TULP4: variants seen among roughly 807,000 people sequenced by gnomAD.
TULP4 encodes the protein tubby-related protein 4.
Under a neutral mutation model 129.0 loss-of-function variants are expected in TULP4, and 16 were observed. The observed-to-expected ratio is 0.12, with a 90% CI of 0.08 to 0.19. TULP4 has a LOEUF of 0.19. TULP4 is among the 10% of genes least tolerant of loss of function. The pLI is 1.00. For synonymous variants in TULP4, 998 were observed against 854.0 expected (o/e 1.17, Z -2.94); for missense variants, 1,842 against 2,059.1 (o/e 0.89, Z 2.04).
intron 1 of TULP4, among the ~76,000 whole-genome samples, chr6:158,290,433 A>C (rs916521272): frequency 1.3e-5 from 2 of 152,090 alleles, no homozygotes; most frequent in Admixed American, 6.5e-5. Context: ...TGGATGAATA[A>C]TTTTGCAAAT....
chr6:158,367,770 G>A (rs1776956620), intron 1 of TULP4, among the ~76,000 whole-genome samples: 2 of 152,048 alleles, frequency 1.3e-5, no homozygotes, highest in African/African-American at 4.8e-5. Context: ...GGCCGGTGCG[G>A]TGGCTCACAC....
At chr6:158,463,668 A>AT (rs35512926) in intron 6 of TULP4, among the ~76,000 whole-genome samples, 52 of 145,784 alleles carry the variant, frequency 3.6e-4, no homozygotes, top group African/African-American at 8.8e-4. Flanking sequence ...ATATATATAT[A>AT]AAAAGAAAAA....
chr6:158,433,242 A>G (rs1778670644), intron 3 of TULP4, among the ~76,000 whole-genome samples: 1 of 152,084 alleles, frequency 6.6e-6, no homozygotes, highest in African/African-American at 2.4e-5. Context: ...TTATAGTATC[A>G]TTTTCCTTCC....
intron 1 of TULP4, among the ~76,000 whole-genome samples, chr6:158,374,414 T>G (rs931617811): frequency 6.6e-6 from 1 of 152,086 alleles, no homozygotes; most frequent in African/African-American, 2.4e-5. Flanking sequence ...GGGAAGAAAT[T>G]GGGGAAGAGT....
Position 158,511,111 on chromosome 6 carries a change from T to C in TULP4, c.*4417T>C, listed in dbSNP as rs1417211994. 6.5e-6 allele frequency: 1 copy of C among 152,674 alleles called. No individual in the cohort carries two copies. Among genetic ancestry groups the C allele is most frequent in the Admixed American group, 6.5e-5 (1 of 15,286 alleles). The allele number at this position is 152,674 out of a possible 1,614,324, so 9.5% of individuals were successfully genotyped here. ...GTGGCTTACTTTGTTTCCATTTTCTTTGGCTTTGTGCAATTTTTGTGTAAC... is the reference window on the plus strand; with the variant it reads ...GTGGCTTACTTTGTTTCCATTTTCTCTGGCTTTGTGCAATTTTTGTGTAAC... On this transcript the variant is annotated 3_prime_UTR_variant, in exon 14 of 14. Coordinates refer to ENST00000367097, the MANE Select transcript of TULP4 (RefSeq NM_020245.5).
chr6:158,247,974 A>C (rs1431822640), intron 1 of TULP4, among the ~76,000 whole-genome samples: 1 of 152,212 alleles, frequency 6.6e-6, no homozygotes, highest in African/African-American at 2.4e-5. Flanking sequence ...GCACAAATTC[A>C]GCTCCAGTGG....
At chr6:158,386,336 A>C (rs1272614605) in intron 1 of TULP4, among the ~76,000 whole-genome samples, 2 of 152,160 alleles carry the variant, frequency 1.3e-5, no homozygotes, top group Non-Finnish European at 2.9e-5. Context: ...CTGAAACCTT[A>C]ATAAAGGGGT....
At chr6:158,287,303 G>C (rs988467363) in intron 1 of TULP4, among the ~76,000 whole-genome samples, 1 of 152,124 alleles carries the variant, frequency 6.6e-6, no homozygotes, top group Non-Finnish European at 1.5e-5. Context: ...TTCTCCTGTA[G>C]TTTATTGGCC....
intron 9 of TULP4, among the ~76,000 whole-genome samples, chr6:158,492,279 T>C (rs1780234031): frequency 6.6e-6 from 1 of 152,242 alleles, no homozygotes; most frequent in Non-Finnish European, 1.5e-5. Flanking sequence ...TGTCTTTGGT[T>C]ACCTAAGGTC....
intron 6 of TULP4, among the ~76,000 whole-genome samples, chr6:158,467,281 T>C (rs764790977): frequency 2.1e-4 from 11 of 53,330 alleles, no homozygotes; most frequent in Admixed American, 1.7e-3. Flanking sequence ...CCCTTTCTTT[T>C]TTTTTTTTTT....
At chr6:158,499,989 T>C (rs1380135466) in intron 12 of TULP4, among the ~76,000 whole-genome samples, 2 of 152,048 alleles carry the variant, frequency 1.3e-5, no homozygotes, top group Non-Finnish European at 2.9e-5. Context: ...TAAATACCTG[T>C]AGTTTGGTGA....
At chr6:158,417,957 G>T (rs1383584900) in intron 2 of TULP4, among the ~76,000 whole-genome samples, 2 of 152,182 alleles carry the variant, frequency 1.3e-5, no homozygotes, top group Non-Finnish European at 2.9e-5. Flanking sequence ...ATGAAAAGCT[G>T]CCTGGGTCAA....
chr6:158,365,052 C>G (rs2114850078), intron 1 of TULP4, among the ~76,000 whole-genome samples: 1 of 151,850 alleles, frequency 6.6e-6, no homozygotes, highest in South Asian at 2.1e-4. Flanking sequence ...TTGTTTTTAT[C>G]CAGTCTCTGC....
chr6:158,244,835 A>AT (rs1777996532), intron 1 of TULP4, among the ~76,000 whole-genome samples: 1 of 152,016 alleles, frequency 6.6e-6, no homozygotes, highest in South Asian at 2.1e-4. Flanking sequence ...CTATTTATTT[A>AT]TTTTTTATTT....
chr6:158,371,845 C>G (rs970377845), intron 1 of TULP4, among the ~76,000 whole-genome samples: 1 of 152,280 alleles, frequency 6.6e-6, no homozygotes, highest in African/African-American at 2.4e-5. Flanking sequence ...GACAAGGTCT[C>G]TTTCTGTCAG....
chr6:158,273,576 C>A (rs1014847582), intron 1 of TULP4, among the ~76,000 whole-genome samples: 1 of 152,216 alleles, frequency 6.6e-6, no homozygotes, highest in Non-Finnish European at 1.5e-5. Context: ...ACTCAACATG[C>A]CACATCTGCT....
chr6:158,284,855 G>C (rs827856), intron 1 of TULP4, among the ~76,000 whole-genome samples: 2 of 151,994 alleles, frequency 1.3e-5, no homozygotes, highest in Non-Finnish European at 2.9e-5. Context: ...TGTGAGCCTC[G>C]GTTTCCTTGC....
chr6:158,422,291 G>T (rs1778363500), intron 2 of TULP4, among the ~76,000 whole-genome samples: 2 of 152,154 alleles, frequency 1.3e-5, no homozygotes, highest in Admixed American at 6.5e-5. Context: ...ATTGGGCATA[G>T]CTATAAATAG....
rs1780270184 is a variant in TULP4 at position 158,493,881 on chromosome 6, G to A, written c.1776+164G>A. Among the ~76,000 whole-genome samples, 1 of 152,116 alleles carries A rather than the reference G, an allele frequency of 6.6e-6. No homozygotes were observed. Among genetic ancestry groups the A allele is most frequent in the South Asian group, 2.1e-4 (1 of 4,824 alleles). ...CTACCTCAGGAGTAGCCCTCAGGTGGAGCTCTGGCTTCTCCACCTGTGCCC... is the reference window on the plus strand; with the variant it reads ...CTACCTCAGGAGTAGCCCTCAGGTGAAGCTCTGGCTTCTCCACCTGTGCCC... On this transcript the variant is annotated intron_variant, in intron 10 of 13. Coordinates refer to ENST00000367097, the MANE Select transcript of TULP4 (RefSeq NM_020245.5). The surrounding 1 kb of genome is among the most constrained non-coding windows in gnomAD (Gnocchi z 4.4).
Sources: allele counts gnomAD v4.1 joint callset (sites outside exome capture counted in the v4.1 genomes callset), GRCh38; gene constraint gnomAD v4.1.1; non-coding constraint Gnocchi (gnomAD v3.1); transcripts MANE v1.5; gene names NCBI Gene and HGNC (gene_info 2026-07-23, HGNC 2026-07-21).